The following CAMK1D variants were observed in gnomAD, a reference collection of about 807,000 sequenced individuals.
CAMK1D encodes calcium/calmodulin-dependent protein kinase type 1D.
CAMK1D carries 9 observed loss-of-function variants against 47.7 expected under a neutral mutation model. The ratio of observed to expected loss-of-function variants is 0.19; its 90% CI spans 0.11 to 0.33. The LOEUF is 0.33. Among genes scored for constraint, CAMK1D ranks in the 10% least tolerant of loss-of-function variants. CAMK1D has a pLI of 1.00. For missense variants in CAMK1D, 291 were observed against 488.7 expected (o/e 0.60, Z 3.81); for synonymous variants, 184 against 184.9 (o/e 0.99, Z 0.04).
At chr10:12,758,077 C>G (rs970792048) in intron 3 of CAMK1D, among the ~76,000 whole-genome samples, 1 of 152,034 alleles carries the variant, frequency 6.6e-6, no homozygotes, top group Admixed American at 6.6e-5. Flanking sequence ...TCTTGAGCTC[C>G]TGACCTCAGG....
chr10:12,821,694 G>A lies in CAMK1D; in HGVS notation c.834-2771G>A, dbSNP rs189951701. Among the ~76,000 whole-genome samples, 59 of 152,364 alleles carry A rather than the reference G, an allele frequency of 3.9e-4. 1 individual carries two copies. Among genetic ancestry groups the A allele is most frequent in the African/African-American group, 1.3e-3 (56 of 41,586 alleles). On this transcript the variant is annotated intron_variant, in intron 8 of 10. Coordinates refer to ENST00000619168, the MANE Select transcript of CAMK1D (RefSeq NM_153498.4). Reference sequence around the variant, plus strand: ...TGTAGGTATTAAAACCAGAAAGCTGGCCGGGTGTGGTGGCTCATGCCTGTA... The same window carrying A: ...TGTAGGTATTAAAACCAGAAAGCTGACCGGGTGTGGTGGCTCATGCCTGTA...
intron 1 of CAMK1D, among the ~76,000 whole-genome samples, chr10:12,487,501 G>A (rs1834252401): frequency 6.6e-6 from 1 of 152,226 alleles, no homozygotes; most frequent in African/African-American, 2.4e-5. Context: ...GTTGGCCTGT[G>A]GCAGAGACAG....
intron 5 of CAMK1D, among the ~76,000 whole-genome samples, chr10:12,779,604 A>AT (rs745374042): frequency 5.3e-5 from 8 of 151,778 alleles, no homozygotes; most frequent in Non-Finnish European, 1.2e-4. Flanking sequence ...TAATTTTTGA[A>AT]TTTTTTTGTA....
chr10:12,588,576 G>A (rs976245361), intron 2 of CAMK1D, among the ~76,000 whole-genome samples: 2 of 151,918 alleles, frequency 1.3e-5, no homozygotes, highest in Non-Finnish European at 2.9e-5. Context: ...GGAACTTTCT[G>A]TTCCTGGCAT....
chr10:12,598,972 T>C (rs893436849), intron 2 of CAMK1D, among the ~76,000 whole-genome samples: 2 of 152,178 alleles, frequency 1.3e-5, no homozygotes, highest in Non-Finnish European at 2.9e-5. Context: ...TTAGCACGAA[T>C]GTACACAATT....
intron 3 of CAMK1D, among the ~76,000 whole-genome samples, chr10:12,691,888 A>T (rs2130670672): frequency 6.6e-6 from 1 of 152,290 alleles, no homozygotes; most frequent in South Asian, 2.1e-4. Context: ...ATTTATGTGC[A>T]TGTTATTACT....
At chr10:12,749,841 CG>C (rs1835867910) in intron 3 of CAMK1D, among the ~76,000 whole-genome samples, 1 of 79,392 alleles carries the variant, frequency 1.3e-5, no homozygotes, top group African/African-American at 9.5e-5. Context: ...CCGCCTGCTT[CG>C]TTCGGCCTCC....
intron 6 of CAMK1D, among the ~76,000 whole-genome samples, chr10:12,810,857 AG>A (rs1283225998): frequency 1.3e-5 from 2 of 152,246 alleles, no homozygotes; most frequent in African/African-American, 4.8e-5. Flanking sequence ...CTTTAAAAAG[AG>A]GGATGTGCAA....
intron 2 of CAMK1D, among the ~76,000 whole-genome samples, chr10:12,646,754 C>T (rs1839820880): frequency 6.6e-6 from 1 of 152,202 alleles, no homozygotes; most frequent in South Asian, 2.1e-4. Flanking sequence ...CAGAATCCAA[C>T]TCAATTATAG....
intron 1 of CAMK1D, among the ~76,000 whole-genome samples, chr10:12,471,218 C>T (rs1450818499): frequency 5.3e-5 from 8 of 152,180 alleles, no homozygotes; most frequent in Non-Finnish European, 1.2e-4. Flanking sequence ...CAGGCTTTGT[C>T]CCACTTTCAA....
intron 3 of CAMK1D, among the ~76,000 whole-genome samples, chr10:12,696,382 C>T (rs908945522): frequency 3.3e-5 from 5 of 152,044 alleles, no homozygotes; most frequent in African/African-American, 1.2e-4. Flanking sequence ...ACTAAAAACA[C>T]AACAATTATC....
At chr10:12,449,684 C>T (rs1833025707) in intron 1 of CAMK1D, among the ~76,000 whole-genome samples, 1 of 151,676 alleles carries the variant, frequency 6.6e-6, no homozygotes, top group Non-Finnish European at 1.5e-5. Flanking sequence ...TTTTATTTGT[C>T]AGTCATACCT....
intron 2 of CAMK1D, among the ~76,000 whole-genome samples, chr10:12,596,307 C>T (rs1838145800): frequency 6.6e-6 from 1 of 152,096 alleles, no homozygotes; most frequent in Non-Finnish European, 1.5e-5. Context: ...GAGCAGTGGG[C>T]TTCTATAGGC....
intron 1 of CAMK1D, among the ~76,000 whole-genome samples, chr10:12,489,217 C>T (rs757510571): frequency 4.6e-5 from 7 of 152,184 alleles, no homozygotes; most frequent in Non-Finnish European, 1.0e-4. Flanking sequence ...AGATTACAGG[C>T]GTGAGCCACT....
chr10:12,505,908 CAT>C (rs1312847495), intron 1 of CAMK1D, among the ~76,000 whole-genome samples: 3 of 152,182 alleles, frequency 2.0e-5, no homozygotes, highest in Non-Finnish European at 4.4e-5. Flanking sequence ...CCGCACATCA[CAT>C]GTCAATGGAA....
chr10:12,491,662 CT>C (rs201325368), intron 1 of CAMK1D, among the ~76,000 whole-genome samples: 2,512 of 152,220 alleles, frequency 0.017, 42 homozygotes, highest in Non-Finnish European at 0.022. Context: ...AGAGGATGAA[CT>C]GAAATCATGA....
chr10:12,796,457 G>C (rs1282177109), intron 6 of CAMK1D, among the ~76,000 whole-genome samples: 1 of 152,200 alleles, frequency 6.6e-6, no homozygotes, highest in Non-Finnish European at 1.5e-5. Context: ...AACAGGGAAG[G>C]CCTAATCTGC....
chr10:12,630,377 T>TC, intron 2 of CAMK1D, among the ~76,000 whole-genome samples: 1 of 129,994 alleles, frequency 7.7e-6, no homozygotes, highest in South Asian at 3.0e-4. Flanking sequence ...TTCTTTCTTT[T>TC]TTTTTTTTTT....
chr10:12,425,264 TTTTC>T (rs148930488), intron 1 of CAMK1D, among the ~76,000 whole-genome samples: 94 of 146,704 alleles, frequency 6.4e-4, no homozygotes, highest in Middle Eastern at 6.9e-3. Flanking sequence ...TGCCCCTTTC[TTTTC>T]TTTCTTTCTT....
Sources: allele counts gnomAD v4.1 joint callset (sites outside exome capture counted in the v4.1 genomes callset), GRCh38; gene constraint gnomAD v4.1.1; transcripts MANE v1.5; gene names NCBI Gene and HGNC (gene_info 2026-07-23, HGNC 2026-07-21).